LRP2BP: variants seen among roughly 807,000 people sequenced by gnomAD.
LRP2BP encodes the protein LRP2-binding protein.
Under a neutral mutation model 45.2 loss-of-function variants are expected in LRP2BP, and 38 were observed. The ratio of observed to expected loss-of-function variants is 0.84; its 90% confidence interval spans 0.65 to 1.10. The LOEUF (loss-of-function observed/expected upper bound fraction) is 1.10. Among genes scored for constraint, LRP2BP ranks in the 50% least tolerant of loss-of-function variants. The pLI, the probability that LRP2BP is intolerant of heterozygous loss-of-function variation, is 0.00. For missense variants in LRP2BP, 385 were observed against 418.9 expected, an observed-to-expected ratio of 0.92 and a Z score of 0.71; for synonymous variants, 153 against 153.9, an observed-to-expected ratio of 0.99 and a Z score of 0.04.
At chr4:185,375,327 G>A (rs1252445702) in intron 4 of LRP2BP, among the ~76,000 whole-genome samples, 2 of 148,586 alleles carry the variant, frequency 1.3e-5, no homozygotes, top group Non-Finnish European at 3.0e-5. Context: ...CGTGGTGGCA[G>A]TGCCTGTAAT....
At chr4:185,391,055 C>T (rs2095487076) in intron 1 of LRP2BP, 1 of 152,204 alleles carries the variant, frequency 6.6e-6, no homozygotes, top group South Asian at 2.1e-4. Flanking sequence ...GCCTCCTGAG[C>T]CTCTTCTGGT....
chr4:185,396,712 C>G, upstream of LRP2BP: 1 of 581,646 alleles, frequency 1.7e-6, no homozygotes. Context: ...GCGGCCGTGG[C>G]GGGGCTGGAC....
intron 3 of LRP2BP, 59 bp downstream of exon 3, chr4:185,376,850 G>A (rs2095439770): frequency 2.5e-6 from 3 of 1,216,090 alleles, no homozygotes; most frequent in East Asian, 4.7e-5. Context: ...TGAAATTTTT[G>A]TCTGAGGATC....
intron 1 of LRP2BP, among the ~76,000 whole-genome samples, chr4:185,386,316 A>G (rs1032658559): frequency 1.3e-5 from 2 of 152,368 alleles, no homozygotes; most frequent in South Asian, 2.1e-4. Flanking sequence ...AATGAAAAGC[A>G]TATCTTTCAT....
chr4:185,368,554 G>A (rs774709843), intron 8 of LRP2BP, among the ~76,000 whole-genome samples: 40 of 152,148 alleles, frequency 2.6e-4, no homozygotes, highest in Non-Finnish European at 4.7e-4. Context: ...TTGCTCTGAG[G>A]GAGACCATTT....
At chr4:185,388,260 T>C (rs979829516) in intron 1 of LRP2BP, among the ~76,000 whole-genome samples, 2 of 152,164 alleles carry the variant, frequency 1.3e-5, no homozygotes, top group Admixed American at 6.5e-5. Flanking sequence ...GATGAGAACG[T>C]GTTAGGCTGG....
chr4:185,389,161 G>C (rs2095481112), intron 1 of LRP2BP, among the ~76,000 whole-genome samples: 1 of 151,876 alleles, frequency 6.6e-6, no homozygotes, highest in Admixed American at 6.5e-5. Flanking sequence ...TTACAGATGT[G>C]AGCCACTACA....
At position 185,365,710 on chromosome 4, in the gene LRP2BP, A is replaced by G. The variant is rs1453581802; in HGVS notation, c.*1470T>C. 6.6e-6 allele frequency: 1 copy of G among 150,468 alleles called. No homozygotes were observed. Among genetic ancestry groups the G allele is most frequent in the Non-Finnish European group, 1.5e-5 (1 of 67,672 alleles). The allele number at this position is 150,468 out of a possible 1,614,324, so 9.3% of individuals were successfully genotyped here. A position where few individuals can be genotyped will look rare whatever the true frequency, so the allele number is the denominator to read the frequency against. ...AAAAAAAATAATAATAATAATAATA[A>G]TAATAATCTTTAGGAACTGGATTAA... On this transcript the variant is annotated 3_prime_UTR_variant, in exon 9 of 9. Transcript: ENST00000505916.
At chr4:185,385,286 GTTATA>G (rs1465084505) in intron 1 of LRP2BP, among the ~76,000 whole-genome samples, 5 of 151,804 alleles carry the variant, frequency 3.3e-5, no homozygotes, top group African/African-American at 1.2e-4. Context: ...TACTGTTACA[GTTATA>G]AATACACTCC....
intron 1 of LRP2BP, among the ~76,000 whole-genome samples, chr4:185,382,546 C>T (rs935264191): frequency 2.0e-5 from 3 of 152,212 alleles, no homozygotes; most frequent in African/African-American, 7.2e-5. Flanking sequence ...TTATCACCAT[C>T]CTAGTGGATG....
At chr4:185,388,936 T>A (rs1053109983) in intron 1 of LRP2BP, among the ~76,000 whole-genome samples, 1 of 151,978 alleles carries the variant, frequency 6.6e-6, no homozygotes, top group Non-Finnish European at 1.5e-5. Flanking sequence ...AGTACAGTGG[T>A]GCGATCTCGG....
At chr4:185,376,109 G>A (rs2095436569) in intron 3 of LRP2BP, among the ~76,000 whole-genome samples, 1 of 152,112 alleles carries the variant, frequency 6.6e-6, no homozygotes, top group Non-Finnish European at 1.5e-5. Flanking sequence ...TGAAGTTGAG[G>A]GGACAGCTGG....
At chr4:185,368,217 C>A (rs2095398248) in intron 8 of LRP2BP, among the ~76,000 whole-genome samples, 1 of 152,190 alleles carries the variant, frequency 6.6e-6, no homozygotes, top group African/African-American at 2.4e-5. Context: ...GCTGGTGTTT[C>A]TCTCCATGTA....
chr4:185,381,603 C>T (rs1458276501), intron 1 of LRP2BP, among the ~76,000 whole-genome samples: 3 of 152,112 alleles, frequency 2.0e-5, no homozygotes, highest in Non-Finnish European at 4.4e-5. Context: ...ATATAAATCA[C>T]CCATTCAATT....
rs2095498472 is a variant in LRP2BP, at chr4:185,395,157, C to A, written c.-400G>T. On this transcript the variant is annotated 5_prime_UTR_variant, in exon 1 of 9. Transcript: ENST00000505916. ...GTGATTAAAGGGAGAAAAGCTGTAACGACTCCCCAAATTTCCTTTCCTTAT... is the reference window on the plus strand; with the variant it reads ...GTGATTAAAGGGAGAAAAGCTGTAAAGACTCCCCAAATTTCCTTTCCTTAT... The A allele has an allele frequency of 3.0e-6, 3 of 985,216 alleles. No homozygotes were observed. In the African/African-American group the frequency reaches 5.2e-5, roughly 17 times the overall value. The allele number at this position is 985,216 out of a possible 1,614,324, so 61.0% of individuals were successfully genotyped here.
Position 185,394,823 on chromosome 4 carries a change from T to C in LRP2BP, c.-66A>G. On this transcript the variant is annotated 5_prime_UTR_variant, in exon 1 of 9. Coordinates refer to ENST00000505916, the MANE Select transcript of LRP2BP (RefSeq NM_001377440.1). ...TTAACACTCGCTGTAAATGGCATCC[T>C]CGTTCTGGAAACGCATCTACCAGCA... is the stretch of plus-strand genomic sequence containing the variant. 1 of 985,470 alleles carries C rather than the reference T, an allele frequency of 1.0e-6. No homozygotes were observed. Among genetic ancestry groups the C allele is most frequent in the Non-Finnish European group, 1.2e-6 (1 of 829,942 alleles). The allele number at this position is 985,470 out of a possible 1,614,324, so 61.0% of individuals were successfully genotyped here.
At chr4:185,381,963 G>A (rs767833382) in intron 1 of LRP2BP, among the ~76,000 whole-genome samples, 26 of 152,116 alleles carry the variant, frequency 1.7e-4, no homozygotes, top group South Asian at 1.5e-3. Flanking sequence ...AATAATTACC[G>A]CTATGGAATT....
chr4:185,375,500 A>ATATATATATG (rs2095432933), intron 4 of LRP2BP, 113 bp downstream of exon 4: 1 of 61,286 alleles, frequency 1.6e-5, no homozygotes, highest in African/African-American at 1.1e-4. Context: ...ATATATATAT[A>ATATATATATG]TATATATATA....
chr4:185,387,706 G>A (rs1319750024), intron 1 of LRP2BP, among the ~76,000 whole-genome samples: 1 of 152,172 alleles, frequency 6.6e-6, no homozygotes, highest in Non-Finnish European at 1.5e-5. Flanking sequence ...CAGCCATAAG[G>A]CTATCTGTCC....
Sources: allele counts gnomAD v4.1 joint callset (sites outside exome capture counted in the v4.1 genomes callset), GRCh38; gene constraint gnomAD v4.1.1; transcripts MANE v1.5; gene names NCBI Gene and HGNC (gene_info 2026-07-23, HGNC 2026-07-21).